AUTS2: variants seen among roughly 807,000 people sequenced by gnomAD.
The protein encoded by AUTS2 is autism susceptibility gene 2 protein.
In AUTS2, 17 loss-of-function variants were observed where a neutral mutation model predicts 112.4. The ratio of observed to expected loss-of-function variants is 0.15; its 90% CI spans 0.10 to 0.23. The LOEUF is 0.23. Among genes scored for constraint, AUTS2 ranks in the 10% least tolerant of loss-of-function variants. The pLI, the probability that AUTS2 is intolerant of heterozygous loss-of-function variation, is 1.00. For missense variants in AUTS2, 1,510 were observed against 1,701.6 expected, an observed-to-expected ratio of 0.89 and a Z score of 1.98; for synonymous variants, 751 against 702.7, an observed-to-expected ratio of 1.07 and a Z score of -1.09.
At chr7:70,746,171 G>A (rs1010211881) in intron 6 of AUTS2, among the ~76,000 whole-genome samples, 1 of 152,156 alleles carries the variant, frequency 6.6e-6, no homozygotes, top group Non-Finnish European at 1.5e-5. Context: ...TTTTGAGACA[G>A]AGTCTCACTC....
At chr7:70,312,104 C>T (rs1044675926) in intron 4 of AUTS2, among the ~76,000 whole-genome samples, 4 of 151,924 alleles carry the variant, frequency 2.6e-5, no homozygotes, top group Admixed American at 6.6e-5. Flanking sequence ...GGTGATCCAC[C>T]TGCCTCAGCC....
chr7:69,917,147 G>A (rs1795610191), intron 2 of AUTS2, among the ~76,000 whole-genome samples: 2 of 152,184 alleles, frequency 1.3e-5, no homozygotes, highest in African/African-American at 4.8e-5. Flanking sequence ...CCAAGTAGCT[G>A]GGACTAAAGG....
intron 2 of AUTS2, among the ~76,000 whole-genome samples, chr7:70,093,212 A>G (rs995578710): frequency 7.2e-5 from 11 of 152,172 alleles, no homozygotes; most frequent in South Asian, 4.2e-4. Flanking sequence ...CCAATCTCTC[A>G]TCGTTTTCTT....
intron 1 of AUTS2, among the ~76,000 whole-genome samples, chr7:69,890,950 G>A (rs1440046048): frequency 3.9e-5 from 6 of 152,158 alleles, no homozygotes; most frequent in Admixed American, 1.3e-4. Context: ...TGTGCATGAC[G>A]GCAAGGGCCC....
chr7:70,790,822 C>A lies in AUTS2; in HGVS notation c.3606C>A (p.Gly1202=). Residue 1202 remains glycine, a synonymous_variant, in exon 19 of 19, where the codon GGC becomes GGA. Coordinates refer to ENST00000342771, the MANE Select transcript of AUTS2 (RefSeq NM_015570.4). The surrounding 1 kb of genome is among the most constrained non-coding windows in gnomAD (Gnocchi z 7.6). ...MHYPRISPTA[G]NQNGLLNKTP... is the part of the protein sequence containing the mutation. Reference sequence around the variant, plus strand: ...ATCCCCGCATCAGCCCCACCGCGGGCAACCAGAACGGACTCCTCAACAAGA... The same window carrying A: ...ATCCCCGCATCAGCCCCACCGCGGGAAACCAGAACGGACTCCTCAACAAGA... The A allele has an allele frequency of 6.2e-7, 1 of 1,606,358 alleles. No homozygotes were observed.
At chr7:69,813,818 C>T (rs1584283289) in intron 1 of AUTS2, among the ~76,000 whole-genome samples, 1 of 152,168 alleles carries the variant, frequency 6.6e-6, no homozygotes. Context: ...TTAATAAATA[C>T]CCAAGTCTTC....
chr7:70,480,525 C>A (rs369547618), intron 5 of AUTS2, among the ~76,000 whole-genome samples: 1 of 152,194 alleles, frequency 6.6e-6, no homozygotes, highest in Admixed American at 6.5e-5. Flanking sequence ...AGGGACCAAT[C>A]CATAAGGGGA....
At chr7:70,205,418 T>TG (rs1810522231) in intron 4 of AUTS2, among the ~76,000 whole-genome samples, 1 of 152,174 alleles carries the variant, frequency 6.6e-6, no homozygotes, top group Admixed American at 6.5e-5. Flanking sequence ...ATGCACCATA[T>TG]AACAACGTGT....
intron 6 of AUTS2, among the ~76,000 whole-genome samples, chr7:70,727,244 A>G (rs1369740441): frequency 6.6e-6 from 1 of 152,230 alleles, no homozygotes; most frequent in Non-Finnish European, 1.5e-5. Context: ...TACCAAAGCA[A>G]CGGTAATTGT....
intron 1 of AUTS2, among the ~76,000 whole-genome samples, chr7:69,687,692 TC>T (rs2129174877): frequency 1.3e-5 from 2 of 152,286 alleles, no homozygotes; most frequent in Admixed American, 1.3e-4. Flanking sequence ...ATGACCTTTC[TC>T]TCTCTTTCTT....
At chr7:70,045,869 G>A (rs1424809793) in intron 2 of AUTS2, among the ~76,000 whole-genome samples, 2 of 139,838 alleles carry the variant, frequency 1.4e-5, no homozygotes, top group East Asian at 4.3e-4. Context: ...CTCATGATCC[G>A]CCTGCCTCGG....
chr7:69,932,346 A>G (rs756769319), intron 2 of AUTS2, among the ~76,000 whole-genome samples: 5 of 152,280 alleles, frequency 3.3e-5, no homozygotes, highest in Middle Eastern at 3.4e-3. Flanking sequence ...TTAGCAATGC[A>G]TTGTGTTTTG....
At chr7:69,681,751 T>C (rs1421635181) in intron 1 of AUTS2, among the ~76,000 whole-genome samples, 1 of 152,252 alleles carries the variant, frequency 6.6e-6, no homozygotes, top group African/African-American at 2.4e-5. Flanking sequence ...AAAAATATAC[T>C]GTGTGTAGCT....
At chr7:69,994,417 G>A (rs1464988191) in intron 2 of AUTS2, among the ~76,000 whole-genome samples, 1 of 152,172 alleles carries the variant, frequency 6.6e-6, no homozygotes, top group Non-Finnish European at 1.5e-5. Flanking sequence ...TCTAACCACT[G>A]TTGCATTTGT....
At chr7:70,208,011 C>CAA (rs61267230) in intron 4 of AUTS2, among the ~76,000 whole-genome samples, 4,816 of 44,990 alleles carry the variant, frequency 0.11, 180 homozygotes, top group African/African-American at 0.14. Context: ...AACTCCATCT[C>CAA]AAAAAAAAAA....
At chr7:69,975,768 ACCTCTGCCT>A (rs1798030063) in intron 2 of AUTS2, among the ~76,000 whole-genome samples, 1 of 150,428 alleles carries the variant, frequency 6.6e-6, no homozygotes, top group African/African-American at 2.4e-5. Flanking sequence ...GCTCACTGCA[ACCTCTGCCT>A]CCTGGGTTCA....
At position 70,278,745 on chromosome 7, in the gene AUTS2, T is replaced by C. The variant is rs77616658; in HGVS notation, c.660+144174T>C. On this transcript the variant is annotated intron_variant, in intron 4 of 18. Transcript: ENST00000342771. ...GGTAAGATTGTCATTAAAGGAAACC[T>C]TAGGAATTTCTCAGACATACTGAAA... 1.1e-3 allele frequency among the ~76,000 whole-genome samples: 175 copies of C among 152,334 alleles called. 5 individuals are homozygous for C. The East Asian group carries it at 0.033, about 29-fold the overall frequency.
chr7:70,176,209 G>T (rs1490903602), intron 4 of AUTS2, among the ~76,000 whole-genome samples: 1 of 152,150 alleles, frequency 6.6e-6, no homozygotes, highest in Non-Finnish European at 1.5e-5. Flanking sequence ...TCCAATGAAG[G>T]ATGGAATATT....
At chr7:70,344,539 G>A (rs576276750) in intron 4 of AUTS2, among the ~76,000 whole-genome samples, 1 of 152,182 alleles carries the variant, frequency 6.6e-6, no homozygotes. Context: ...ACTCTAGATA[G>A]ATCTGCTTTA....
Sources: gnomAD v4.1 joint callset for allele counts (sites outside exome capture counted in the v4.1 genomes callset) on GRCh38, gnomAD v4.1.1 for gene constraint, Gnocchi (gnomAD v3.1) non-coding constraint, MANE v1.5 for transcripts, NCBI Gene and HGNC (gene_info 2026-07-23, HGNC 2026-07-21) for gene names.